The following TCF12 variants were observed in gnomAD, a reference collection of about 807,000 sequenced individuals.
The protein encoded by TCF12 is transcription factor 12.
Under a neutral mutation model 86.0 loss-of-function variants are expected in TCF12, and 45 were observed. That is an observed-to-expected ratio of 0.52 (90% confidence interval 0.41 to 0.67). TCF12 has a LOEUF of 0.67. Among genes scored for constraint, TCF12 ranks in the 30% least tolerant of loss-of-function variants. The pLI, the probability that TCF12 is intolerant of heterozygous loss-of-function variation, is 0.00. For synonymous variants in TCF12, 330 were observed against 299.6 expected, an observed-to-expected ratio of 1.10 and a Z score of -1.05; for missense variants, 881 against 859.9, an observed-to-expected ratio of 1.02 and a Z score of -0.31.
chr15:57,074,620 A>G (rs545474736), intron 4 of TCF12, among the ~76,000 whole-genome samples: 2 of 152,182 alleles, frequency 1.3e-5, no homozygotes, highest in Non-Finnish European at 2.9e-5. Flanking sequence ...TGCCTCTCCC[A>G]CCTTAGCCTC....
chr15:57,063,661 A>G (rs568360923), intron 3 of TCF12, 89 bp from the exon 4 acceptor site: 4 of 1,026,166 alleles, frequency 3.9e-6, no homozygotes, highest in South Asian at 2.0e-5. Flanking sequence ...CGCAAATACC[A>G]CTTGCTAAAT....
intron 8 of TCF12, among the ~76,000 whole-genome samples, chr15:57,226,636 A>G (rs899048600): frequency 6.6e-6 from 1 of 152,188 alleles, no homozygotes; most frequent in Non-Finnish European, 1.5e-5. Context: ...AGCCTTCTCC[A>G]TACTTCTTTA....
At chr15:57,264,566 T>A (rs2152066640) in intron 18 of TCF12, among the ~76,000 whole-genome samples, 1 of 152,218 alleles carries the variant, frequency 6.6e-6, no homozygotes, top group Admixed American at 6.5e-5. Flanking sequence ...TTTTCAAACT[T>A]TTTTGTTAAA....
intron 3 of TCF12, among the ~76,000 whole-genome samples, chr15:57,019,923 G>C (rs143714924): frequency 4.1e-4 from 62 of 152,010 alleles, no homozygotes; most frequent in Admixed American, 9.2e-4. Context: ...TTAGTTTTAG[G>C]GGGGGACTGT....
In TCF12 at chr15:57,262,106, C is replaced by T. The variant is rs776826025; in HGVS notation, c.1480C>T (p.Arg494Trp). The change falls in exon 17 of 21, where the codon CGG becomes TGG. Residue 494 changes from arginine to tryptophan, a missense_variant. Arg to Trp is a moderately radical substitution (Grantham distance 101). Around this residue, in one of 3 missense-constraint regions of TCF12, gnomAD observed 766 missense variants for 718.9 expected, o/e 1.07. Transcript: ENST00000333725. The stretch of plus-strand genomic sequence containing the variant: ...TCCTTAACTTTAGGTTGGAACTCAT[C>T]GGGAAGACTCTGTCAGTCTCAATGG... ...SRSASMVGTH[R>W]EDSVSLNGNH... 3.7e-6 allele frequency: 6 copies of T among 1,611,354 alleles called. No homozygotes were observed. Among genetic ancestry groups the T allele is most frequent in the Non-Finnish European group, 5.1e-6 (6 of 1,178,720 alleles).
chr15:57,235,104 C>G (rs751236959), intron 12 of TCF12, among the ~76,000 whole-genome samples: 2 of 152,128 alleles, frequency 1.3e-5, no homozygotes, highest in Admixed American at 6.5e-5. Context: ...CCAAGTCAGA[C>G]TCATTTACTA....
chr15:56,991,612 C>T (rs1419082888), intron 3 of TCF12, among the ~76,000 whole-genome samples: 2 of 152,056 alleles, frequency 1.3e-5, no homozygotes, highest in African/African-American at 4.8e-5. Context: ...AGAGCTATAC[C>T]TACTGCTTGA....
At chr15:57,017,407 C>T (rs7183392) in intron 3 of TCF12, among the ~76,000 whole-genome samples, 33,766 of 152,092 alleles carry the variant, frequency 0.22, 3,856 homozygotes, top group Non-Finnish European at 0.24. Flanking sequence ...GTAACATAGC[C>T]GCACCAATAT....
At position 57,019,138 on chromosome 15, in the gene TCF12, A is replaced by G. The variant is rs565737032; in HGVS notation, c.149-44612A>G. Among the ~76,000 whole-genome samples the G allele has an allele frequency of 3.3e-5, 5 of 152,332 alleles. No individual in the cohort carries two copies. The South Asian group carries it at 1.0e-3, about 32-fold the overall frequency. The stretch of plus-strand genomic sequence containing the variant: ...ACAAGAAAGTAGGCAAAGTTCTAAT[A>G]CTTTGGTAGCCAGCACTGGCTAAAG... On this transcript the variant is annotated intron_variant, in intron 3 of 20. Coordinates refer to ENST00000333725, the MANE Select transcript of TCF12 (RefSeq NM_207037.2).
At chr15:57,029,841 GT>G (rs778931173) in intron 3 of TCF12, among the ~76,000 whole-genome samples, 1 of 152,162 alleles carries the variant, frequency 6.6e-6, no homozygotes, top group Non-Finnish European at 1.5e-5. Flanking sequence ...AGTATGTAAT[GT>G]TTTGACACTG....
At chr15:57,009,125 T>C (rs1240736974) in intron 3 of TCF12, among the ~76,000 whole-genome samples, 1 of 152,192 alleles carries the variant, frequency 6.6e-6, no homozygotes, top group Non-Finnish European at 1.5e-5. Flanking sequence ...TGTTGTTGTT[T>C]TGAGAGAGGG....
At chr15:57,253,582 T>G (rs2060215630) in intron 16 of TCF12, 114 bp downstream of exon 16, 2 of 1,249,380 alleles carry the variant, frequency 1.6e-6, no homozygotes, top group African/African-American at 3.0e-5. Flanking sequence ...GACTGACTTT[T>G]CAGAATTTTC....
chr15:57,229,522 C>G (rs181898813), intron 8 of TCF12, among the ~76,000 whole-genome samples: 1 of 151,654 alleles, frequency 6.6e-6, no homozygotes, highest in East Asian at 1.9e-4. Context: ...AAAAAAGTCA[C>G]CTGTGCTAGT....
chr15:57,067,262 C>T (rs1008766975), intron 4 of TCF12, among the ~76,000 whole-genome samples: 7 of 152,218 alleles, frequency 4.6e-5, no homozygotes, highest in Admixed American at 6.5e-5. Flanking sequence ...GGTTATAGGC[C>T]GGGCGCGGTG....
chr15:57,207,705 A>G (rs2057900241), intron 8 of TCF12, among the ~76,000 whole-genome samples: 1 of 152,190 alleles, frequency 6.6e-6, no homozygotes, highest in African/African-American at 2.4e-5. Context: ...ATAATAAGTA[A>G]GAACTAAGAA....
intron 3 of TCF12, among the ~76,000 whole-genome samples, chr15:56,949,765 A>C (rs1595813666): frequency 6.6e-6 from 1 of 152,220 alleles, no homozygotes; most frequent in East Asian, 1.9e-4. Context: ...ATGTGAACAG[A>C]TAAATACTAA....
intron 3 of TCF12, among the ~76,000 whole-genome samples, chr15:57,041,188 G>A (rs1448502585): frequency 6.6e-6 from 1 of 152,108 alleles, no homozygotes; most frequent in African/African-American, 2.4e-5. Context: ...AGACAGAAAA[G>A]TACAATAAAG....
chr15:57,093,500 T>G (rs563137157), intron 5 of TCF12, among the ~76,000 whole-genome samples: 29 of 152,370 alleles, frequency 1.9e-4, no homozygotes, highest in African/African-American at 7.0e-4. Flanking sequence ...GAGATGACTT[T>G]TAGGCCCAAT....
At chr15:56,976,231 T>C (rs1202605265) in intron 3 of TCF12, among the ~76,000 whole-genome samples, 1 of 131,568 alleles carries the variant, frequency 7.6e-6, no homozygotes, top group African/African-American at 2.9e-5. Context: ...TTTCTTTTTT[T>C]TTTTTTTTTT....
Sources: allele counts gnomAD v4.1 joint callset (sites outside exome capture counted in the v4.1 genomes callset), GRCh38; gene constraint gnomAD v4.1.1; regional missense constraint gnomAD v4.1.1; transcripts MANE v1.5; gene names NCBI Gene and HGNC (gene_info 2026-07-23, HGNC 2026-07-21).